Variants in VPS33B observed in about 807,000 individuals in gnomAD.
VPS33B encodes VPS33B late endosome and lysosome associated, also known as vacuolar protein sorting-associated protein 33B.
Under a neutral mutation model 95.3 loss-of-function variants are expected in VPS33B, and 80 were observed. That is an observed-to-expected ratio of 0.84 (90% CI 0.70 to 1.01). The LOEUF (loss-of-function observed/expected upper bound fraction) is 1.01. Among genes scored for constraint, VPS33B ranks in the 50% least tolerant of loss-of-function variants. VPS33B has a pLI of 0.00. For missense variants in VPS33B, 715 were observed against 773.4 expected (o/e 0.92, Z 0.90); for synonymous variants, 280 against 280.4 (o/e 1.00, Z 0.01).
Position 91,006,207 on chromosome 15 carries a change from A to C in VPS33B, c.853-148T>G. 7.5e-7 allele frequency: 1 copy of C among 1,333,946 alleles called. No homozygotes were observed. Among genetic ancestry groups the C allele is most frequent in the Non-Finnish European group, 1.1e-6 (1 of 936,178 alleles). 82.6% of individuals were successfully genotyped at this position (1,333,946 alleles called of 1,614,324 possible). On this transcript the variant is annotated intron_variant, in intron 11 of 22. Coordinates refer to ENST00000333371, the MANE Select transcript of VPS33B (RefSeq NM_018668.5). The surrounding 1 kb of genome is among the most constrained non-coding windows in gnomAD (Gnocchi z 5.4). ...CTGTAAGTCCATATCAAATGCCTACACCGTGTTCTAGGAGATGCTCTGAAC... is the reference window on the plus strand; with the variant it reads ...CTGTAAGTCCATATCAAATGCCTACCCCGTGTTCTAGGAGATGCTCTGAAC...
rs957505850 is a variant in VPS33B, at chr15:91,007,610, A to G, written c.499-37T>C. The G allele has an allele frequency of 1.2e-6, 2 of 1,602,830 alleles. No individual in the cohort carries two copies. The highest frequency in any genetic ancestry group is 3.3e-5 in the Admixed American group (2 of 59,996). On this transcript the variant is annotated intron_variant, in intron 7 of 22. Transcript: ENST00000333371. This position sits in a 1 kb window ranked among gnomAD's most constrained non-coding sequence, Gnocchi z 5.3. ...ACACAAGCCACAAAGATATGAATCA[A>G]CCCAGTAGGACCACCTGGAAAGTGG...
chr15:91,017,075 C>CA, intron 2 of VPS33B, 51 bp from the exon 3 acceptor site: 1 of 1,558,178 alleles, frequency 6.4e-7, no homozygotes, highest in Non-Finnish European at 8.9e-7. Context: ...CTGAAAAGCA[C>CA]AAAGTGTGAC....
At chr15:91,012,186 GC>G (rs1000968869) in intron 5 of VPS33B, among the ~76,000 whole-genome samples, 1 of 151,790 alleles carries the variant, frequency 6.6e-6, no homozygotes, top group Non-Finnish European at 1.5e-5. Flanking sequence ...ATAATTTCTT[GC>G]CCTGGTAATA....
chr15:91,011,031 T>C lies in VPS33B; in HGVS notation c.358-1185A>G, dbSNP rs116310851. On this transcript the variant is annotated intron_variant, in intron 5 of 22. Coordinates refer to ENST00000333371, the MANE Select transcript of VPS33B (RefSeq NM_018668.5). The surrounding 1 kb of genome is among the most constrained non-coding windows in gnomAD (Gnocchi z 5.5). The stretch of plus-strand genomic sequence containing the variant: ...AATGGGAGACATTGTTTAGAAGGCA[T>C]AGACATGGGTGAAGGCAGAAGAGAA... Among the ~76,000 whole-genome samples, 1,548 of 152,152 alleles carry C rather than the reference T, an allele frequency of 0.01. 27 individuals carry two copies. The highest frequency in any genetic ancestry group is 0.034 in the African/African-American group (1,416 of 41,488).
chr15:91,015,394 A>G lies in VPS33B; in HGVS notation c.240-961T>C, dbSNP rs1003944905. Among the ~76,000 whole-genome samples the G allele has an allele frequency of 1.3e-5, 2 of 151,586 alleles. No individual in the cohort carries two copies. The highest frequency in any genetic ancestry group is 2.4e-5 in the African/African-American group (1 of 41,364). On this transcript the variant is annotated intron_variant, in intron 3 of 22. Transcript: ENST00000333371. The surrounding 1 kb of genome is among the most constrained non-coding windows in gnomAD (Gnocchi z 4.7). ...ATAATAATAGTAAAATAAAAGAACTATAAGGCCTGGCGAGGTGGTGCATGC... is the reference window on the plus strand; with the variant it reads ...ATAATAATAGTAAAATAAAAGAACTGTAAGGCCTGGCGAGGTGGTGCATGC...
At chr15:91,001,999 G>A in intron 18 of VPS33B, 51 bp downstream of exon 18, 1 of 1,612,424 alleles carries the variant, frequency 6.2e-7, no homozygotes, top group Non-Finnish European at 8.5e-7. Context: ...TGCGTGTTGA[G>A]AGAAGTCAGG....
At position 91,005,239 on chromosome 15, in the gene VPS33B, A is replaced by G. The variant is rs77167368; in HGVS notation, c.1106-120T>C. ...CCTTGGGGTGGGTTAAGGGACCCCC[A>G]GGACTTCTAGCAGGAACCAGCATTC... On this transcript the variant is annotated intron_variant, in intron 14 of 22. Coordinates refer to ENST00000333371, the MANE Select transcript of VPS33B (RefSeq NM_018668.5). This position sits in a 1 kb window ranked among gnomAD's most constrained non-coding sequence, Gnocchi z 6.4. 2,792 of 1,611,552 alleles carry G rather than the reference A, an allele frequency of 1.7e-3. 46 individuals are homozygous for G. The African/African-American group carries it at 0.033, about 19-fold the overall frequency.
rs201598714 is a variant in VPS33B at position 91,004,854 on chromosome 15, C to T, written c.1225+23G>A. 5.9e-5 allele frequency: 95 copies of T among 1,614,076 alleles called. No homozygotes were observed. The African/African-American group carries it at 1.2e-3, about 21-fold the overall frequency. ...GCATAGTTTCTCAATCTGACATTCT[C>T]ATCTTCAGTCTTTTGGGCTCACCAT... On this transcript the variant is annotated intron_variant, in intron 16 of 22. Coordinates refer to ENST00000333371, the MANE Select transcript of VPS33B (RefSeq NM_018668.5).
chr15:91,004,834 G>C (rs981675494), intron 16 of VPS33B, 43 bp downstream of exon 16: 2 of 1,610,492 alleles, frequency 1.2e-6, no homozygotes, highest in Non-Finnish European at 1.7e-6. Context: ...CTAAGGCATA[G>C]TTTCTCAATC....
At chr15:91,016,671 G>A (rs952617109) in intron 3 of VPS33B, among the ~76,000 whole-genome samples, 32 of 152,130 alleles carry the variant, frequency 2.1e-4, no homozygotes, top group Middle Eastern at 3.4e-3. Context: ...GGCATGAGCC[G>A]CCGCACCCAG....
In VPS33B at chr15:91,018,920, A is replaced by G. The variant is rs1377146588; in HGVS notation, c.97-1035T>C. ...AACCTCCGCCTCCCGGATTCAAGCA[A>G]TTCTCTGCCTCAGCCTCCCGAGTAG... On this transcript the variant is annotated intron_variant, in intron 1 of 22. Coordinates refer to ENST00000333371, the MANE Select transcript of VPS33B (RefSeq NM_018668.5). This position sits in a 1 kb window ranked among gnomAD's most constrained non-coding sequence, Gnocchi z 4.7. 6.6e-6 allele frequency among the ~76,000 whole-genome samples: 1 copy of G among 151,798 alleles called. No individual in the cohort carries two copies. Among genetic ancestry groups the G allele is most frequent in the Non-Finnish European group, 1.5e-5 (1 of 67,968 alleles).
chr15:91,016,455 T>C (rs928430832), intron 3 of VPS33B, among the ~76,000 whole-genome samples: 9 of 145,644 alleles, frequency 6.2e-5, no homozygotes, highest in African/African-American at 1.5e-4. Context: ...CGATCTTGGC[T>C]CACTGCAACT....
At chr15:91,017,228 T>C (rs1253447999) in intron 2 of VPS33B, among the ~76,000 whole-genome samples, 2 of 150,256 alleles carry the variant, frequency 1.3e-5, no homozygotes, top group Non-Finnish European at 3.0e-5. Flanking sequence ...TAAAACAATA[T>C]AAAAACAGTA....
Position 90,999,648 on chromosome 15 carries a change from C to T in VPS33B, c.1774+29G>A. On this transcript the variant is annotated intron_variant, in intron 22 of 22. Coordinates refer to ENST00000333371, the MANE Select transcript of VPS33B (RefSeq NM_018668.5). The surrounding 1 kb of genome is among the most constrained non-coding windows in gnomAD (Gnocchi z 5.1). The stretch of plus-strand genomic sequence containing the variant: ...CTTTGTTACCCAGATACAATGCAGG[C>T]CAATTCTCACCTTTCTGCTCTCTCT... 2.5e-6 allele frequency: 4 copies of T among 1,610,046 alleles called. No homozygotes were observed. Among genetic ancestry groups the T allele is most frequent in the Non-Finnish European group, 2.5e-6 (3 of 1,176,514 alleles).
At chr15:91,003,260 G>C in intron 16 of VPS33B, 129 bp from the exon 17 acceptor site, 1 of 932,412 alleles carries the variant, frequency 1.1e-6, no homozygotes, top group Non-Finnish European at 1.7e-6. Context: ...ACCCTGCAGA[G>C]TATACATTTG....
Position 91,022,229 on chromosome 15 carries a change from C to A in VPS33B, c.21G>T (p.Pro7=). MAFPHR[P]DAPELPDFSM... is the part of the protein sequence containing the mutation. ...AGAAGTCAGGCAGCTCAGGGGCGTC[C>A]GGCCGATGGGGAAAAGCCATGGCAG... is the stretch of plus-strand genomic sequence containing the variant. Residue 7 remains proline (P), a synonymous_variant, in exon 1 of 23, where the codon CCG becomes CCT. Transcript: ENST00000333371. 1 of 1,578,894 alleles carries A rather than the reference C, an allele frequency of 6.3e-7. No individual in the cohort carries two copies. The highest frequency in any genetic ancestry group is 1.1e-5 in the South Asian group (1 of 87,180).
rs2040791583 is a variant in VPS33B, at chr15:91,011,924, G to C, written c.357+1880C>G. Among the ~76,000 whole-genome samples the C allele has an allele frequency of 6.6e-6, 1 of 152,134 alleles. No homozygotes were observed. Among genetic ancestry groups the C allele is most frequent in the African/African-American group, 2.4e-5 (1 of 41,410 alleles). On this transcript the variant is annotated intron_variant, in intron 5 of 22. Coordinates refer to ENST00000333371, the MANE Select transcript of VPS33B (RefSeq NM_018668.5). The surrounding 1 kb of genome is among the most constrained non-coding windows in gnomAD (Gnocchi z 5.5). Reference sequence around the variant, plus strand: ...GAATTGCTTGAACCTGGGAGGCGGAGGTTGCAGTGAGTCGAGATTGCGGCA... The same window carrying C: ...GAATTGCTTGAACCTGGGAGGCGGACGTTGCAGTGAGTCGAGATTGCGGCA...
In VPS33B at chr15:91,005,701, C is replaced by G. The variant is rs751998607; in HGVS notation, c.1023G>C (p.Leu341=). ...CCTCAAGCTGAAACCTACGGAGACTCAGCAGGCGGTGCTCCTGTTTCAGGC... is the reference window on the plus strand; with the variant it reads ...CCTCAAGCTGAAACCTACGGAGACTGAGCAGGCGGTGCTCCTGTTTCAGGC... The part of the protein sequence containing the change: ...LKGLKQEHRL[L]SLHIGACESI... Residue 341 remains leucine (L), a synonymous_variant, in exon 13 of 23, where the codon CTG becomes CTC. Transcript: ENST00000333371. This position sits in a 1 kb window ranked among gnomAD's most constrained non-coding sequence, Gnocchi z 6.4. The G allele has an allele frequency of 1.3e-5, 21 of 1,614,166 alleles. No individual in the cohort carries two copies. The highest frequency in any genetic ancestry group is 2.7e-5 in the African/African-American group (2 of 75,030).
At position 90,999,608 on chromosome 15, in the gene VPS33B, C is replaced by T. The variant is rs757465181; in HGVS notation, c.1774+69G>A. 21 of 1,530,878 alleles carry T rather than the reference C, an allele frequency of 1.4e-5. No homozygotes were observed. Among genetic ancestry groups the T allele is most frequent in the South Asian group, 2.2e-5 (2 of 89,042 alleles). The allele number at this position is 1,530,878 out of a possible 1,614,324, so 94.8% of individuals were successfully genotyped here. A position where few individuals can be genotyped will look rare whatever the true frequency, so the allele number is the denominator to read the frequency against. ...TGCTGAGATTACAGGTATGAACCACCGTGCCCAGCTGACACTTTGTTACCC... is the reference window on the plus strand; with the variant it reads ...TGCTGAGATTACAGGTATGAACCACTGTGCCCAGCTGACACTTTGTTACCC... On this transcript the variant is annotated intron_variant, in intron 22 of 22. Coordinates refer to ENST00000333371, the MANE Select transcript of VPS33B (RefSeq NM_018668.5). The surrounding 1 kb of genome is among the most constrained non-coding windows in gnomAD (Gnocchi z 5.1).
Sources: allele counts gnomAD v4.1 joint callset (sites outside exome capture counted in the v4.1 genomes callset), GRCh38; gene constraint gnomAD v4.1.1; non-coding constraint Gnocchi (gnomAD v3.1); transcripts MANE v1.5; gene names NCBI Gene and HGNC (gene_info 2026-07-23, HGNC 2026-07-21).